The following CABLES2 variants were observed in gnomAD, a reference collection of about 807,000 sequenced individuals.
CABLES2 encodes the protein Cdk5 and Abl enzyme substrate 2.
In CABLES2, 35 loss-of-function variants were observed where a neutral mutation model predicts 44.8. That is an observed-to-expected ratio of 0.78 (90% CI 0.60 to 1.04). The LOEUF is 1.04. CABLES2 is among the 50% of genes least tolerant of loss of function. CABLES2 has a pLI of 0.00. For missense variants in CABLES2, 566 were observed against 615.7 expected (o/e 0.92, Z 0.85); for synonymous variants, 282 against 281.1 (o/e 1.00, Z -0.03).
Position 62,396,861 on chromosome 20 carries a change from C to A in CABLES2, c.363-269G>T, listed in dbSNP as rs1216743774. Among the ~76,000 whole-genome samples, 1 of 152,102 alleles carries A rather than the reference C, an allele frequency of 6.6e-6. No homozygotes were observed. The highest frequency in any genetic ancestry group is 1.5e-5 in the Non-Finnish European group (1 of 67,992). Reference sequence around the variant, plus strand: ...CAGGCTCCTCAGGCATAGGATAGCACAGCACAGCACAGCACGCCAACCTGC... The same window carrying A: ...CAGGCTCCTCAGGCATAGGATAGCAAAGCACAGCACAGCACGCCAACCTGC... On this transcript the variant is annotated intron_variant, in intron 1 of 9. Coordinates refer to ENST00000279101, the MANE Select transcript of CABLES2 (RefSeq NM_031215.3). This position sits in a 1 kb window ranked among gnomAD's most constrained non-coding sequence, Gnocchi z 5.7.
In CABLES2 at chr20:62,393,593, C is replaced by T; in HGVS notation, c.727G>A (p.Ala243Thr). 6.3e-7 allele frequency: 1 copy of T among 1,592,600 alleles called. No homozygotes were observed. Among genetic ancestry groups the T allele is most frequent in the Non-Finnish European group, 8.6e-7 (1 of 1,167,516 alleles). ...GCGTTGGTGGGATACAGGAACTTCG[C>T]ATAAGACACGACCTGGAAAAGCAAA... Reference protein sequence around the residue: ...LGADGKVVSYAKFLYPTNALV... With the variant: ...LGADGKVVSYTKFLYPTNALV... Residue 243 changes from alanine to threonine, a missense_variant, in exon 6 of 10, where the codon GCG becomes ACG. Ala to Thr is a moderately conservative substitution (Grantham distance 58). Around this residue, in one of 2 missense-constraint regions of CABLES2, gnomAD observed 436 missense variants for 536.3 expected, o/e 0.81. Transcript: ENST00000279101.
At chr20:62,403,468 C>G (rs6061235) in intron 1 of CABLES2, 36,443 of 152,540 alleles carry the variant, frequency 0.24, 4,525 homozygotes, top group African/African-American at 0.3. Context: ...GCCACAAGCC[C>G]GGGAGTGCGT....
In CABLES2 at chr20:62,393,462, C is replaced by T. The variant is rs776397766; in HGVS notation, c.858G>A (p.Ser286=). 4 of 1,609,884 alleles carry T rather than the reference C, an allele frequency of 2.5e-6. No homozygotes were observed. The highest frequency in any genetic ancestry group is 1.1e-5 in the South Asian group (1 of 90,364). Residue 286 remains serine (S), a synonymous_variant, in exon 6 of 10, where the codon TCG becomes TCA. Transcript: ENST00000279101. ...TACCTAGTTCTGTGCTGGCTGGTGC[C>T]GACTTGGTGGGGGCAGGTTTATGTC... is the stretch of plus-strand genomic sequence containing the variant. The part of the protein sequence containing the change: ...GSRHKPAPTK[S]APASTELGSD...
intron 1 of CABLES2, among the ~76,000 whole-genome samples, chr20:62,397,927 T>TGGTGATGGC (rs1988053210): frequency 2.0e-5 from 2 of 100,178 alleles, no homozygotes; most frequent in East Asian, 2.4e-4. Flanking sequence ...GTGGTGATGG[T>TGGTGATGGC]GGTGGTGGTG....
chr20:62,398,150 GGTGGTGACGGTGATGGTGGTA>G (rs1448791794), intron 1 of CABLES2, among the ~76,000 whole-genome samples: 23 of 146,194 alleles, frequency 1.6e-4, no homozygotes, highest in South Asian at 2.3e-4. Flanking sequence ...TGGTGGTGGT[GGTGGTGACGGTGATGGTGGTA>G]ATGGTGGTGG....
chr20:62,398,014 CGGT>C (rs113048661), intron 1 of CABLES2, among the ~76,000 whole-genome samples: 10,897 of 105,602 alleles, frequency 0.1, 817 homozygotes, highest in African/African-American at 0.2. Flanking sequence ...ATGGTTATGG[CGGT>C]GGTGGTGGTG....
intron 1 of CABLES2, among the ~76,000 whole-genome samples, chr20:62,397,317 G>A (rs962441051): frequency 6.6e-6 from 1 of 152,122 alleles, no homozygotes; most frequent in Non-Finnish European, 1.5e-5. Context: ...CCCACCTGCC[G>A]TCTGCCTCCC....
Position 62,398,095 on chromosome 20 carries a change from T to TGGTGATGGC in CABLES2, c.363-1504_363-1503insGCCATCACC, listed in dbSNP as rs1569017577. ...ACGGTGGTGGTGGTGGTGACGGTGG[T>TGGTGATGGC]GGTGGTGGTGATGGTGGTGGTGGTG... On this transcript the variant is annotated intron_variant, in intron 1 of 9. Coordinates refer to ENST00000279101, the MANE Select transcript of CABLES2 (RefSeq NM_031215.3). Among the ~76,000 whole-genome samples the TGGTGATGGC allele has an allele frequency of 4.0e-4, 55 of 136,550 alleles. 1 individual carries two copies. The highest frequency in any genetic ancestry group is 1.4e-3 in the African/African-American group (48 of 34,988). 89.6% of individuals were successfully genotyped at this position (136,550 alleles called of 152,430 possible).
At chr20:62,397,980 A>ATGG (rs1988063850) in intron 1 of CABLES2, among the ~76,000 whole-genome samples, 2 of 97,022 alleles carry the variant, frequency 2.1e-5, no homozygotes, top group Non-Finnish European at 4.2e-5. Flanking sequence ...GACAGTGGTG[A>ATGG]TGGCGGTGGT....
In CABLES2 at chr20:62,391,546, T is replaced by C; in HGVS notation, c.1092-93A>G. ...ACCACCAACCGAGGCTGGAGCGATG[T>C]AGCTTTGGGCCGCAAGAAACACCAC... On this transcript the variant is annotated intron_variant, in intron 8 of 9. Coordinates refer to ENST00000279101, the MANE Select transcript of CABLES2 (RefSeq NM_031215.3). This position sits in a 1 kb window ranked among gnomAD's most constrained non-coding sequence, Gnocchi z 5.7. 7.5e-7 allele frequency: 1 copy of C among 1,332,056 alleles called. No individual in the cohort carries two copies. The highest frequency in any genetic ancestry group is 1.1e-6 in the Non-Finnish European group (1 of 936,150). 82.5% of individuals were successfully genotyped at this position (1,332,056 alleles called of 1,614,324 possible).
At chr20:62,398,187 A>ACGGTGGTGATGATGGTGGTGGTGG (rs759461396) in intron 1 of CABLES2, among the ~76,000 whole-genome samples, 13 of 92,660 alleles carry the variant, frequency 1.4e-4, no homozygotes, top group African/African-American at 5.5e-4. Context: ...GGTGGTGGTG[A>ACGGTGGTGATGATGGTGGTGGTGG]TGGTGATGAT....
At chr20:62,401,736 T>G (rs997694377) in intron 1 of CABLES2, among the ~76,000 whole-genome samples, 3 of 152,082 alleles carry the variant, frequency 2.0e-5, no homozygotes, top group African/African-American at 2.4e-5. Context: ...GTCCCCTCAG[T>G]GTGGGGGAGG....
In CABLES2 at chr20:62,398,157, A is replaced by G. The variant is rs1174949836; in HGVS notation, c.363-1565T>C. Among the ~76,000 whole-genome samples the G allele has an allele frequency of 1.4e-3, 52 of 37,302 alleles. 1 individual carries two copies. The highest frequency in any genetic ancestry group is 4.4e-3 in the African/African-American group (23 of 5,218). 24.5% of individuals were successfully genotyped at this position (37,302 alleles called of 152,430 possible). A position where few individuals can be genotyped will look rare whatever the true frequency, so the allele number is the denominator to read the frequency against. On this transcript the variant is annotated intron_variant, in intron 1 of 9. Transcript: ENST00000279101. Reference sequence around the variant, plus strand: ...GGTGGTGATGGTGGTGGTGGTGGTGACGGTGATGGTGGTAATGGTGGTGGT... The same window carrying G: ...GGTGGTGATGGTGGTGGTGGTGGTGGCGGTGATGGTGGTAATGGTGGTGGT...
At chr20:62,406,367 G>A (rs1056751376) in intron 1 of CABLES2, among the ~76,000 whole-genome samples, 2 of 152,016 alleles carry the variant, frequency 1.3e-5, no homozygotes, top group African/African-American at 4.8e-5. Context: ...CCCGGGCACT[G>A]GTACCAGTGG....
At chr20:62,399,372 G>A (rs538633147) in intron 1 of CABLES2, among the ~76,000 whole-genome samples, 64 of 152,036 alleles carry the variant, frequency 4.2e-4, no homozygotes, top group African/African-American at 1.5e-3. Context: ...TCAGCCTCCT[G>A]AGTAGCTGGG....
At position 62,391,318 on chromosome 20, in the gene CABLES2, G is replaced by C. The variant is rs13042761; in HGVS notation, c.1227C>G (p.Gly409=). The C allele has an allele frequency of 0.075, 121,671 of 1,613,116 alleles. 5,401 individuals are homozygous for C. The highest frequency in any genetic ancestry group is 0.19 in the African/African-American group (14,315 of 75,042). ...LSKQNRKLCA[G]ACVLLAAKIS... is the part of the protein sequence containing the mutation. ...TCTTGGCAGCCAGCAGCACGCAGGC[G>C]CCAGCGCACAGCTTGCGGTTCTGTT... is the stretch of plus-strand genomic sequence containing the variant. Residue 409 remains glycine (G), a synonymous_variant, in exon 9 of 10, where the codon GGC becomes GGG. Coordinates refer to ENST00000279101, the MANE Select transcript of CABLES2 (RefSeq NM_031215.3). This position sits in a 1 kb window ranked among gnomAD's most constrained non-coding sequence, Gnocchi z 5.7.
chr20:62,396,898 A>G lies in CABLES2; in HGVS notation c.363-306T>C, dbSNP rs906163109. ...GCACGCCAACCTGCCCTGCCCACCGAGGGTCGCTCGGCCCCAAGCAACACC... is the reference window on the plus strand; with the variant it reads ...GCACGCCAACCTGCCCTGCCCACCGGGGGTCGCTCGGCCCCAAGCAACACC... On this transcript the variant is annotated intron_variant, in intron 1 of 9. Transcript: ENST00000279101. This position sits in a 1 kb window ranked among gnomAD's most constrained non-coding sequence, Gnocchi z 5.7. 6.6e-6 allele frequency among the ~76,000 whole-genome samples: 1 copy of G among 152,054 alleles called. No homozygotes were observed. The highest frequency in any genetic ancestry group is 2.4e-5 in the African/African-American group (1 of 41,406).
chr20:62,394,935 A>G lies in CABLES2; in HGVS notation c.605+2T>C. 5 of 1,612,376 alleles carry G rather than the reference A, an allele frequency of 3.1e-6. No homozygotes were observed. The highest frequency in any genetic ancestry group is 4.2e-6 in the Non-Finnish European group (5 of 1,179,682). The stretch of plus-strand genomic sequence containing the variant: ...CATGCGAGGCAAGCGCTGAGTACTC[A>G]CCTGATCCGCAGGCCTTCCCCATAG... On this transcript the variant is annotated splice_donor_variant, in intron 4 of 9. Transcript: ENST00000279101. LOFTEE classifies it high-confidence loss of function.
At chr20:62,397,111 C>T (rs1988035607) in intron 1 of CABLES2, among the ~76,000 whole-genome samples, 1 of 152,228 alleles carries the variant, frequency 6.6e-6, no homozygotes, top group African/African-American at 2.4e-5. Flanking sequence ...GCACCAGCCA[C>T]AACCTCCCAC....
Sources: allele counts gnomAD v4.1 joint callset (sites outside exome capture counted in the v4.1 genomes callset), GRCh38; gene constraint gnomAD v4.1.1; regional missense constraint gnomAD v4.1.1; non-coding constraint Gnocchi (gnomAD v3.1); transcripts MANE v1.5; gene names NCBI Gene and HGNC (gene_info 2026-07-23, HGNC 2026-07-21).